Variants in RP1 observed in about 807,000 individuals in gnomAD.
The protein encoded by RP1 is RP1 axonemal microtubule associated, also known as oxygen-regulated protein 1.
Under a neutral mutation model 14.8 loss-of-function variants are expected in RP1, and 16 were observed. That is an observed-to-expected ratio of 1.08 (90% CI 0.73 to 1.65). RP1 has a LOEUF of 1.65. RP1 is among the 40% of genes most tolerant of loss of function. The pLI, the probability that RP1 is intolerant of heterozygous loss-of-function variation, is 0.00. For synonymous variants in RP1, 876 were observed against 883.6 expected, an observed-to-expected ratio of 0.99 and a Z score of 0.15; for missense variants, 2,631 against 2,535.0, an observed-to-expected ratio of 1.04 and a Z score of -0.81.
intron 24 of RP1, among the ~76,000 whole-genome samples, chr8:54,794,645 C>G (rs961414238): frequency 6.6e-6 from 1 of 151,884 alleles, no homozygotes; most frequent in Non-Finnish European, 1.5e-5. Context: ...ATAGGCAAAA[C>G]CCACTTTTCC....
intron 24 of RP1, among the ~76,000 whole-genome samples, chr8:54,823,174 G>A (rs891564449): frequency 6.6e-6 from 1 of 152,064 alleles, no homozygotes; most frequent in East Asian, 1.9e-4. Flanking sequence ...CCTCCCCGGT[G>A]GGTGCTGTCC....
chr8:54,585,932 A>G lies in RP1; in HGVS notation c.-13+26612A>G, dbSNP rs531487133. ...TTTTAAGGTTTTTAACTTCTTTGCCATGGGTTCGAACTTCCTCCTTTAGCT... is the reference window on the plus strand; with the variant it reads ...TTTTAAGGTTTTTAACTTCTTTGCCGTGGGTTCGAACTTCCTCCTTTAGCT... On this transcript the variant is annotated intron_variant, in intron 1 of 22. Coordinates refer to the RP1 transcript ENST00000636932. Among the ~76,000 whole-genome samples the G allele has an allele frequency of 5.9e-5, 9 of 152,260 alleles. No individual in the cohort carries two copies. In the South Asian group the frequency reaches 1.0e-3, roughly 18 times the overall value.
intron 17 of RP1, among the ~76,000 whole-genome samples, chr8:54,729,977 AT>A (rs986034682): frequency 6.6e-6 from 1 of 151,556 alleles, no homozygotes; most frequent in African/African-American, 2.4e-5. Flanking sequence ...CTATAGTTTT[AT>A]TTTTTTTAAT....
intron 1 of RP1, among the ~76,000 whole-genome samples, chr8:54,597,869 G>GT (rs899027617): frequency 1.9e-4 from 28 of 150,098 alleles, no homozygotes; most frequent in Non-Finnish European, 2.7e-4. Flanking sequence ...GAGACAAAGT[G>GT]TTTTTTTTTG....
chr8:54,693,396 A>T (rs1309838576), intron 12 of RP1, among the ~76,000 whole-genome samples: 1 of 152,108 alleles, frequency 6.6e-6, no homozygotes. Flanking sequence ...TGAATCTATA[A>T]AATACCTTGG....
chr8:54,697,959 A>G (rs1373742149), intron 12 of RP1, among the ~76,000 whole-genome samples: 1 of 152,212 alleles, frequency 6.6e-6, no homozygotes, highest in Non-Finnish European at 1.5e-5. Context: ...CCTAGGCAAT[A>G]CCATTCAGGA....
chr8:54,744,102 T>C (rs1809164327), intron 19 of RP1, among the ~76,000 whole-genome samples: 1 of 152,184 alleles, frequency 6.6e-6, no homozygotes, highest in African/African-American at 2.4e-5. Flanking sequence ...ATTTTTCAGG[T>C]AAAATCTATT....
At chr8:54,838,679 G>A (rs1468096941) in intron 25 of RP1, among the ~76,000 whole-genome samples, 1 of 152,070 alleles carries the variant, frequency 6.6e-6, no homozygotes, top group Non-Finnish European at 1.5e-5. Context: ...GCATATTCCT[G>A]CATGCATATG....
At chr8:54,587,956 A>G (rs559439126) in intron 1 of RP1, among the ~76,000 whole-genome samples, 2 of 152,318 alleles carry the variant, frequency 1.3e-5, no homozygotes, top group African/African-American at 2.4e-5. Context: ...AGTTTAGACC[A>G]TTTAAAATCC....
chr8:54,671,886 T>C (rs1182002998), intron 7 of RP1, among the ~76,000 whole-genome samples: 1 of 152,188 alleles, frequency 6.6e-6, no homozygotes, highest in Non-Finnish European at 1.5e-5. Flanking sequence ...TCCTCTTCTT[T>C]GTAGGCTTTG....
At chr8:54,597,300 AGT>A (rs1471874452) in intron 1 of RP1, among the ~76,000 whole-genome samples, 1 of 152,200 alleles carries the variant, frequency 6.6e-6, no homozygotes, top group African/African-American at 2.4e-5. Context: ...TACTTCCTAT[AGT>A]TGTTATGAGG....
Position 54,628,046 on chromosome 8 carries a change from G to A in RP1, c.4164G>A (p.Val1388=). 2 of 1,614,016 alleles carry A rather than the reference G, an allele frequency of 1.2e-6. No homozygotes were observed. The highest frequency in any genetic ancestry group is 1.7e-6 in the Non-Finnish European group (2 of 1,179,950). The change falls in exon 4 of 4, where the codon GTG becomes GTA. Residue 1388 remains valine (V), a synonymous_variant. Coordinates refer to ENST00000220676, the MANE Select transcript of RP1 (RefSeq NM_006269.2). The part of the protein sequence containing the change: ...PEYKNGFNTL[V]SHQNVSNLSS... ...ATAAAAATGGATTTAATACATTGGTGTCACATCAAAATGTCAGTAATTTAA... is the reference window on the plus strand; with the variant it reads ...ATAAAAATGGATTTAATACATTGGTATCACATCAAAATGTCAGTAATTTAA...
chr8:54,792,170 T>A (rs765415153), intron 24 of RP1, among the ~76,000 whole-genome samples: 13 of 152,010 alleles, frequency 8.6e-5, no homozygotes, highest in Non-Finnish European at 1.8e-4. Flanking sequence ...ATTATAAATA[T>A]TTATGTACCC....
intron 18 of RP1, among the ~76,000 whole-genome samples, chr8:54,738,654 T>C (rs1379143374): frequency 6.6e-6 from 1 of 152,088 alleles, no homozygotes; most frequent in Non-Finnish European, 1.5e-5. Flanking sequence ...GTGAGAAATG[T>C]GTGGTAGTCA....
chr8:54,619,068 T>A (rs1356199461), intron 1 of RP1, among the ~76,000 whole-genome samples: 1 of 152,192 alleles, frequency 6.6e-6, no homozygotes, highest in East Asian at 1.9e-4. Flanking sequence ...CAGATGAGGA[T>A]GAGAAGAGGT....
intron 3 of RP1, among the ~76,000 whole-genome samples, chr8:54,643,054 G>A (rs1806481341): frequency 2.6e-5 from 4 of 151,134 alleles, no homozygotes; most frequent in Non-Finnish European, 2.9e-5. Context: ...TTGTGATATC[G>A]ATGTTTTGTT....
chr8:54,690,419 T>C (rs1807683207), intron 12 of RP1, among the ~76,000 whole-genome samples: 1 of 152,116 alleles, frequency 6.6e-6, no homozygotes, highest in Admixed American at 6.6e-5. Flanking sequence ...TTAACTATAC[T>C]TCTCTGAAAT....
At chr8:54,833,758 T>C (rs779214837) in intron 24 of RP1, among the ~76,000 whole-genome samples, 62 of 151,932 alleles carry the variant, frequency 4.1e-4, no homozygotes, top group Admixed American at 8.5e-4. Context: ...CAAACTGTTA[T>C]TGTTAAATTA....
chr8:54,666,922 C>A (rs1294308598), intron 7 of RP1, among the ~76,000 whole-genome samples: 1 of 151,940 alleles, frequency 6.6e-6, no homozygotes, highest in South Asian at 2.1e-4. Flanking sequence ...TTCTCCTCCA[C>A]AATCCCTCAA....
Sources: gnomAD v4.1 joint callset for allele counts (sites outside exome capture counted in the v4.1 genomes callset) on GRCh38, gnomAD v4.1.1 for gene constraint, MANE v1.5 for transcripts, NCBI Gene and HGNC (gene_info 2026-07-23, HGNC 2026-07-21) for gene names.